SELENOK: variants seen among roughly 807,000 people sequenced by gnomAD.
The protein encoded by SELENOK is selenoprotein K.
A neutral mutation model predicts 17.3 loss-of-function variants in SELENOK; 11 were observed. The observed-to-expected ratio is 0.63, with a 90% CI of 0.40 to 1.05. SELENOK has a LOEUF of 1.05. SELENOK is among the 50% of genes least tolerant of loss of function. SELENOK has a pLI of 0.00. For synonymous variants in SELENOK, 45 were observed against 35.4 expected (o/e 1.27, Z -0.97); for missense variants, 125 against 113.9 (o/e 1.10, Z -0.44).
chr3:53,889,282 G>A (rs758107623), intron 1 of SELENOK, among the ~76,000 whole-genome samples: 6 of 151,864 alleles, frequency 4.0e-5, no homozygotes, highest in Non-Finnish European at 5.9e-5. Flanking sequence ...TACCTTCTCC[G>A]CCCAGCCCCT....
At chr3:53,887,502 A>G (rs1700135892) in intron 2 of SELENOK, among the ~76,000 whole-genome samples, 3 of 152,164 alleles carry the variant, frequency 2.0e-5, no homozygotes, top group Non-Finnish European at 2.9e-5. Flanking sequence ...GTATTTTTCT[A>G]TGAAACCATC....
intron 4 of SELENOK, 131 bp from the exon 5 acceptor site, chr3:53,885,692 G>T: frequency 1.6e-6 from 2 of 1,236,126 alleles, no homozygotes; most frequent in South Asian, 2.6e-5. Flanking sequence ...ATTTTTCAAG[G>T]GTTAAGATAA....
intron 3 of SELENOK, among the ~76,000 whole-genome samples, chr3:53,886,486 A>G (rs1982172): frequency 0.55 from 83,176 of 152,022 alleles, 24,074 homozygotes; most frequent in East Asian, 0.95. Flanking sequence ...CACCCGCCTC[A>G]GCCTCCCAAA....
chr3:53,891,343 G>A (rs1700167417), intron 1 of SELENOK, among the ~76,000 whole-genome samples: 1 of 152,190 alleles, frequency 6.6e-6, no homozygotes, highest in South Asian at 2.1e-4. Flanking sequence ...GAGCCTCAGA[G>A]TTTCCACCCG....
Position 53,885,866 on chromosome 3 carries a change from G to A in SELENOK, c.241C>T (p.Arg81Cys), listed in dbSNP as rs376660375. Residue 81 changes from arginine (R) to cysteine (C), a missense_variant, in exon 4 of 5, where the codon CGT (arginine) becomes TGT (cysteine). Coordinates refer to ENST00000495461, the MANE Select transcript of SELENOK (RefSeq NM_021237.5). Reference sequence around the variant, plus strand: ...GCCATTGGAGGGGGACTAGGGCCACGCAGATGATTGATTCTACCCATTCTT... The same window carrying A: ...GCCATTGGAGGGGGACTAGGGCCACACAGATGATTGATTCTACCCATTCTT... Reference protein sequence around the residue: ...PRRMGRINHLRGPSPPPMAGG... With the variant: ...PRRMGRINHLCGPSPPPMAGG... The A allele has an allele frequency of 1.2e-5, 19 of 1,577,658 alleles. No individual in the cohort carries two copies. Among genetic ancestry groups the A allele is most frequent in the African/African-American group, 2.7e-5 (2 of 73,456 alleles).
At chr3:53,886,571 T>C (rs540612503) in intron 3 of SELENOK, among the ~76,000 whole-genome samples, 2 of 152,234 alleles carry the variant, frequency 1.3e-5, no homozygotes, top group South Asian at 2.1e-4. Flanking sequence ...GAAATCCAGA[T>C]GTTAAAATGA....
chr3:53,886,964 T>C, intron 2 of SELENOK, 30 bp from the exon 3 acceptor site: 2 of 1,465,846 alleles, frequency 1.4e-6, no homozygotes, highest in Non-Finnish European at 1.8e-6. Context: ...ACAACAAAGG[T>C]ATCACTTTTG....
At chr3:53,889,356 G>T (rs190394823) in intron 1 of SELENOK, among the ~76,000 whole-genome samples, 90 of 152,266 alleles carry the variant, frequency 5.9e-4, no homozygotes, top group African/African-American at 2.2e-3. Context: ...CATAAAAGAA[G>T]AATAATACAA....
chr3:53,885,652 CA>C, intron 4 of SELENOK, 91 bp from the exon 5 acceptor site: 1 of 1,390,266 alleles, frequency 7.2e-7, no homozygotes, highest in Non-Finnish European at 1.0e-6. Context: ...AAATCTTTCT[CA>C]AAAGACATTT....
chr3:53,885,628 T>C, intron 4 of SELENOK, 67 bp from the exon 5 acceptor site: 2 of 1,456,084 alleles, frequency 1.4e-6, no homozygotes, highest in South Asian at 1.2e-5. Context: ...AACCTCAACA[T>C]ATTACATGTT....
chr3:53,885,340 A>C lies in SELENOK; in HGVS notation c.*218T>G. The C allele has an allele frequency of 2.2e-6, 1 of 456,622 alleles. No individual in the cohort carries two copies. The highest frequency in any genetic ancestry group is 3.9e-6 in the Non-Finnish European group (1 of 258,186). The allele number at this position is 456,622 out of a possible 1,614,324, so 28.3% of individuals were successfully genotyped here. A position where few individuals can be genotyped will look rare whatever the true frequency, so the allele number is the denominator to read the frequency against. Reference sequence around the variant, plus strand: ...TAATAAACTATACAAAAAGGTAATGAGACAAACATCTGCATTTATGGAACT... The same window carrying C: ...TAATAAACTATACAAAAAGGTAATGCGACAAACATCTGCATTTATGGAACT... On this transcript the variant is annotated 3_prime_UTR_variant, in exon 5 of 5. Coordinates refer to ENST00000495461, the MANE Select transcript of SELENOK (RefSeq NM_021237.5).
At chr3:53,887,231 G>A (rs1318828045) in intron 2 of SELENOK, among the ~76,000 whole-genome samples, 2 of 152,142 alleles carry the variant, frequency 1.3e-5, no homozygotes, top group African/African-American at 2.4e-5. Flanking sequence ...CAGCCATCGG[G>A]TTTTTACAGT....
In SELENOK at chr3:53,886,944, G is replaced by T; in HGVS notation, c.111-10C>A. 6.5e-7 allele frequency: 1 copy of T among 1,539,642 alleles called. No homozygotes were observed. Among genetic ancestry groups the T allele is most frequent in the Non-Finnish European group, 8.8e-7 (1 of 1,141,218 alleles). On this transcript the variant is annotated splice_polypyrimidine_tract_variant and intron_variant, in intron 2 of 4. Coordinates refer to ENST00000495461, the MANE Select transcript of SELENOK (RefSeq NM_021237.5). ...AAGCAGAGTTTTGAAACTGAAACAA[G>T]GGGCAGAAAACAACAAAGGTATCAC...
rs1700118543 is a variant in SELENOK at position 53,885,520 on chromosome 3, A to G, written c.*38T>C. The G allele has an allele frequency of 6.3e-7, 1 of 1,587,876 alleles. No individual in the cohort carries two copies. Among genetic ancestry groups the G allele is most frequent in the Non-Finnish European group, 8.6e-7 (1 of 1,161,132 alleles). On this transcript the variant is annotated 3_prime_UTR_variant, in exon 5 of 5. Coordinates refer to ENST00000495461, the MANE Select transcript of SELENOK (RefSeq NM_021237.5). ...TCTTGATGGTTTCCTTCTGCTATGA[A>G]TGCGCATGTCCGGTTGTCTGCTTCT...
At chr3:53,891,491 G>A (rs1023363714) in intron 1 of SELENOK, among the ~76,000 whole-genome samples, 9 of 152,292 alleles carry the variant, frequency 5.9e-5, no homozygotes, top group Middle Eastern at 3.4e-3. Context: ...GACCACCCTC[G>A]CAAATCCACA....
rs1409290151 is a variant in SELENOK at position 53,885,560 on chromosome 3, A to C, written c.283T>G (p.Ter95GluextTer?). ...TGTCTGCTTCTTAGAGCAGACATTT[A>C]CCTGAAAGAAAATGTTACAATAATT... ...PPPMAGGUGR[*>E] Residue 95 changes from the stop codon to glutamate, a stop_lost and splice_region_variant, in exon 5 of 5, where the codon TAA becomes GAA. Transcript: ENST00000495461. The C allele has an allele frequency of 6.2e-7, 1 of 1,610,654 alleles. No individual in the cohort carries two copies. The highest frequency in any genetic ancestry group is 1.7e-5 in the Admixed American group (1 of 59,558).
rs1700120804 is a variant in SELENOK at position 53,885,754 on chromosome 3, C to G, written c.281+72G>C. On this transcript the variant is annotated intron_variant, in intron 4 of 4. Coordinates refer to ENST00000495461, the MANE Select transcript of SELENOK (RefSeq NM_021237.5). ...GTAATTATAAGCTGCTGGGCAACTTCTTAAAGAAAACATTACTACAGAAGT... is the reference window on the plus strand; with the variant it reads ...GTAATTATAAGCTGCTGGGCAACTTGTTAAAGAAAACATTACTACAGAAGT... 1.6e-5 allele frequency: 21 copies of G among 1,341,072 alleles called. No homozygotes were observed. In the East Asian group the frequency reaches 3.2e-4, roughly 20 times the overall value. The allele number at this position is 1,341,072 out of a possible 1,614,324, so 83.1% of individuals were successfully genotyped here. A position where few individuals can be genotyped will look rare whatever the true frequency, so the allele number is the denominator to read the frequency against.
At chr3:53,889,440 A>C (rs1022880998) in intron 1 of SELENOK, among the ~76,000 whole-genome samples, 12 of 152,328 alleles carry the variant, frequency 7.9e-5, no homozygotes, top group Admixed American at 7.2e-4. Context: ...ATGTGTCAAA[A>C]TCTCCTTCCT....
At chr3:53,888,591 T>C (rs1487547756) in intron 1 of SELENOK, 108 bp from the exon 2 acceptor site, 5 of 784,504 alleles carry the variant, frequency 6.4e-6, no homozygotes, top group African/African-American at 3.5e-5. Context: ...AACTTGCCCA[T>C]TATTCCAAAT....
Sources: allele counts gnomAD v4.1 joint callset (sites outside exome capture counted in the v4.1 genomes callset), GRCh38; gene constraint gnomAD v4.1.1; transcripts MANE v1.5; gene names NCBI Gene and HGNC (gene_info 2026-07-23, HGNC 2026-07-21).